The following NLGN1 variants were observed in gnomAD, a reference collection of about 807,000 sequenced individuals.
The protein encoded by NLGN1 is neuroligin 1, also known as neuroligin-1.
Under a neutral mutation model 65.5 loss-of-function variants are expected in NLGN1, and 12 were observed. That is an observed-to-expected ratio of 0.18 (90% CI 0.12 to 0.30). The LOEUF (loss-of-function observed/expected upper bound fraction) is 0.30, where lower values mean the gene tolerates loss of function less well. Among genes scored for constraint, NLGN1 ranks in the 10% least tolerant of loss-of-function variants. The pLI is 1.00. For missense variants in NLGN1, 750 were observed against 1,007.1 expected, an observed-to-expected ratio of 0.74 and a Z score of 3.46; for synonymous variants, 350 against 359.5, an observed-to-expected ratio of 0.97 and a Z score of 0.30.
At chr3:173,960,765 A>T (rs925773951) in intron 4 of NLGN1, among the ~76,000 whole-genome samples, 1 of 148,780 alleles carries the variant, frequency 6.7e-6, no homozygotes, top group African/African-American at 2.5e-5. Flanking sequence ...AAGACAACTT[A>T]TTTTTTTTTT....
intron 3 of NLGN1, among the ~76,000 whole-genome samples, chr3:173,735,600 A>T (rs1408254966): frequency 6.6e-6 from 1 of 151,926 alleles, no homozygotes; most frequent in Non-Finnish European, 1.5e-5. Flanking sequence ...ATACCAGGCC[A>T]ACTCTTCTGT....
At chr3:173,857,208 G>C (rs917318193) in intron 4 of NLGN1, among the ~76,000 whole-genome samples, 1 of 151,984 alleles carries the variant, frequency 6.6e-6, no homozygotes, top group African/African-American at 2.4e-5. Context: ...TAGAAGGTAA[G>C]GGTTAGTAAT....
At chr3:173,546,802 C>CTAT (rs1739927671) in intron 2 of NLGN1, among the ~76,000 whole-genome samples, 1 of 152,094 alleles carries the variant, frequency 6.6e-6, no homozygotes, top group South Asian at 2.1e-4. Context: ...GAGCAGTGTC[C>CTAT]ACCAATGTTC....
At chr3:173,490,755 C>T (rs942102671) in intron 2 of NLGN1, among the ~76,000 whole-genome samples, 3 of 152,038 alleles carry the variant, frequency 2.0e-5, no homozygotes, top group Non-Finnish European at 2.9e-5. Context: ...TTGTTTGTAT[C>T]CTCTTTTATT....
Position 173,862,550 on chromosome 3 carries a change from A to G in NLGN1, c.646+54718A>G, listed in dbSNP as rs1015708410. On this transcript the variant is annotated intron_variant, in intron 4 of 6. Coordinates refer to ENST00000457714, the Ensembl canonical transcript of NLGN1. ...AAAAAAGAAAATGAAAACATAATACATATAATTATGTATATTATAGATTCC... is the reference window on the plus strand; with the variant it reads ...AAAAAAGAAAATGAAAACATAATACGTATAATTATGTATATTATAGATTCC... Among the ~76,000 whole-genome samples the G allele has an allele frequency of 9.3e-5, 14 of 150,998 alleles. No homozygotes were observed. In the East Asian group the frequency reaches 1.6e-3, roughly 17 times the overall value.
In NLGN1 at chr3:173,600,592, C is replaced by CTTTTTTTTTT. The variant is rs150984290; in HGVS notation, c.-320-3678_-320-3677insTTTTTTTTTT. ...AAGCAAGGTAGAAATAAAAACATAT[C>CTTTTTTTTTT]TTTTTTTTTAGAAAAAGATATGTAA... On this transcript the variant is annotated intron_variant, in intron 2 of 6. Coordinates refer to ENST00000457714, the Ensembl canonical transcript of NLGN1. 5.7e-4 allele frequency among the ~76,000 whole-genome samples: 59 copies of CTTTTTTTTTT among 103,496 alleles called. 10 individuals carry two copies. The East Asian group carries it at 7.9e-3, about 14-fold the overall frequency. The allele number at this position is 103,496 out of a possible 152,430, so 67.9% of individuals were successfully genotyped here.
At chr3:173,737,259 T>C (rs1333346507) in intron 3 of NLGN1, among the ~76,000 whole-genome samples, 1 of 151,970 alleles carries the variant, frequency 6.6e-6, no homozygotes, top group Non-Finnish European at 1.5e-5. Flanking sequence ...TTTATTGAGA[T>C]TTAATTTGCT....
chr3:174,070,338 T>G (rs1488304943), intron 4 of NLGN1, among the ~76,000 whole-genome samples: 2 of 88,534 alleles, frequency 2.3e-5, no homozygotes, highest in Non-Finnish European at 4.4e-5. Context: ...ACTTTTTGTG[T>G]TTTTTTTTTT....
At chr3:174,227,469 CAT>C (rs150518167) in intron 4 of NLGN1, among the ~76,000 whole-genome samples, 6,812 of 152,078 alleles carry the variant, frequency 0.045, 476 homozygotes, top group African/African-American at 0.15. Flanking sequence ...TCAGTTTATT[CAT>C]ATCTTTTTTA....
intron 2 of NLGN1, among the ~76,000 whole-genome samples, chr3:173,578,617 G>A (rs1038929539): frequency 6.6e-6 from 1 of 152,042 alleles, no homozygotes; most frequent in African/African-American, 2.4e-5. Context: ...TTTACAATAA[G>A]CATTAATAGA....
At chr3:173,626,225 A>G (rs1754800488) in intron 3 of NLGN1, among the ~76,000 whole-genome samples, 1 of 152,060 alleles carries the variant, frequency 6.6e-6, no homozygotes, top group Non-Finnish European at 1.5e-5. Flanking sequence ...TTAAATAGCT[A>G]CCTATGATTA....
intron 3 of NLGN1, among the ~76,000 whole-genome samples, chr3:173,777,635 A>G (rs112974176): frequency 0.21 from 2,730 of 12,726 alleles, 27 homozygotes; most frequent in Non-Finnish European, 0.31. Context: ...CTGTCTGTCT[A>G]TCTATCTATC....
At chr3:173,778,667 A>G (rs1780682886) in intron 3 of NLGN1, among the ~76,000 whole-genome samples, 1 of 151,942 alleles carries the variant, frequency 6.6e-6, no homozygotes, top group African/African-American at 2.4e-5. Flanking sequence ...TAGCTATTGA[A>G]TGGATTTTGG....
At chr3:173,518,530 ATGTGTG>A (rs144033200) in intron 2 of NLGN1, among the ~76,000 whole-genome samples, 1 of 148,766 alleles carries the variant, frequency 6.7e-6, no homozygotes, top group Non-Finnish European at 1.5e-5. Context: ...GAGTATGTGT[ATGTGTG>A]TGTGTGTGTG....
chr3:173,878,957 C>A (rs552928140), intron 4 of NLGN1, among the ~76,000 whole-genome samples: 1 of 151,776 alleles, frequency 6.6e-6, no homozygotes, highest in African/African-American at 2.4e-5. Flanking sequence ...TGAGGCTGGG[C>A]ATGGTGACTT....
At chr3:173,521,069 T>C (rs1281900340) in intron 2 of NLGN1, among the ~76,000 whole-genome samples, 1 of 152,176 alleles carries the variant, frequency 6.6e-6, no homozygotes, top group East Asian at 1.9e-4. Flanking sequence ...ATTGCTATAC[T>C]ATGTGAAGAG....
Position 174,224,550 on chromosome 3 carries a change from T to A in NLGN1, c.647-50765T>A, listed in dbSNP as rs553078374. Reference sequence around the variant, plus strand: ...CCCGTCTCTACCAAAAACACAAAAATTAGCTGGGCATAGTGTCAGGCACCT... The same window carrying A: ...CCCGTCTCTACCAAAAACACAAAAAATAGCTGGGCATAGTGTCAGGCACCT... On this transcript the variant is annotated intron_variant, in intron 4 of 6. Transcript: ENST00000457714. Among the ~76,000 whole-genome samples, 3 of 152,136 alleles carry A rather than the reference T, an allele frequency of 2.0e-5. No individual in the cohort carries two copies. The South Asian group carries it at 6.2e-4, about 32-fold the overall frequency.
intron 4 of NLGN1, among the ~76,000 whole-genome samples, chr3:173,948,150 AC>A (rs1747532405): frequency 6.6e-6 from 1 of 152,200 alleles, no homozygotes; most frequent in Non-Finnish European, 1.5e-5. Flanking sequence ...CTATCTTCAA[AC>A]CACAGGTTTC....
intron 3 of NLGN1, among the ~76,000 whole-genome samples, chr3:173,793,753 T>C (rs976844146): frequency 3.9e-5 from 6 of 152,116 alleles, no homozygotes; most frequent in Non-Finnish European, 7.4e-5. Flanking sequence ...GCAATTCTTG[T>C]CTGATGAGAG....
Sources: gnomAD v4.1 joint callset for allele counts (sites outside exome capture counted in the v4.1 genomes callset) on GRCh38, gnomAD v4.1.1 for gene constraint, MANE v1.5 for transcripts, NCBI Gene and HGNC (gene_info 2026-07-23, HGNC 2026-07-21) for gene names.